SLC17A5: variants seen among roughly 807,000 people sequenced by gnomAD.
SLC17A5 encodes sialin.
In SLC17A5, 47 loss-of-function variants were observed where a neutral mutation model predicts 59.4. The ratio of observed to expected loss-of-function variants is 0.79; its 90% CI spans 0.63 to 1.01. SLC17A5 has a LOEUF of 1.01. Ranked by LOEUF, SLC17A5 falls within the 50% of genes least tolerant of loss-of-function variation. SLC17A5 has a pLI of 0.00. For synonymous variants in SLC17A5, 202 were observed against 210.7 expected, an observed-to-expected ratio of 0.96 and a Z score of 0.36; for missense variants, 522 against 595.5, an observed-to-expected ratio of 0.88 and a Z score of 1.28.
intron 8 of SLC17A5, among the ~76,000 whole-genome samples, chr6:73,614,426 AAAAG>A (rs1380496561): frequency 6.6e-6 from 1 of 152,352 alleles, no homozygotes; most frequent in East Asian, 1.9e-4. Context: ...ATTGTTTTAA[AAAAG>A]AAATATATAT....
intron 1 of SLC17A5, among the ~76,000 whole-genome samples, chr6:73,652,824 A>G (rs1769932743): frequency 6.6e-6 from 1 of 152,244 alleles, no homozygotes; most frequent in Non-Finnish European, 1.5e-5. Context: ...TAGAAACTAT[A>G]CAATTCTGGG....
In SLC17A5 at chr6:73,653,804, C is replaced by T. The variant is rs1361346114; in HGVS notation, c.83G>A (p.Arg28Gln). Reference protein sequence around the residue: ...DRTPLLPGAPRAEAAPVCCSA... With the variant: ...DRTPLLPGAPQAEAAPVCCSA... ...ACCCCGCCGCTTACCGGCTTCGGCCCGTGGGGCGCCCGGTAGAAGAGGCGT... is the reference window on the plus strand; with the variant it reads ...ACCCCGCCGCTTACCGGCTTCGGCCTGTGGGGCGCCCGGTAGAAGAGGCGT... Residue 28 changes from arginine (R) to glutamine (Q), a missense_variant, in exon 1 of 11, where the codon CGG becomes CAG. Coordinates refer to ENST00000355773, the MANE Select transcript of SLC17A5 (RefSeq NM_012434.5). The T allele has an allele frequency of 1.3e-6, 2 of 1,593,586 alleles. No homozygotes were observed. Among genetic ancestry groups the T allele is most frequent in the Non-Finnish European group, 1.7e-6 (2 of 1,171,612 alleles).
intron 1 of SLC17A5, among the ~76,000 whole-genome samples, chr6:73,646,898 ACTTT>A (rs1769602210): frequency 6.6e-6 from 1 of 152,040 alleles, no homozygotes; most frequent in African/African-American, 2.4e-5. Context: ...CTGGTCTTGA[ACTTT>A]TGGCCTCAAG....
At chr6:73,638,727 T>C (rs2150115529) in intron 3 of SLC17A5, among the ~76,000 whole-genome samples, 3 of 152,148 alleles carry the variant, frequency 2.0e-5, no homozygotes, top group Admixed American at 2.0e-4. Flanking sequence ...CCCAGCACTT[T>C]GGGAGGCCAA....
chr6:73,625,630 A>G (rs1243350227), intron 6 of SLC17A5, among the ~76,000 whole-genome samples: 2 of 151,906 alleles, frequency 1.3e-5, no homozygotes. Flanking sequence ...CTCTCTGCCT[A>G]TTGAATAAAC....
intron 6 of SLC17A5, among the ~76,000 whole-genome samples, chr6:73,623,431 G>A (rs1768245686): frequency 1.3e-5 from 2 of 152,006 alleles, no homozygotes; most frequent in South Asian, 2.1e-4. Flanking sequence ...TGCCTCCCGG[G>A]TTCAAGCAAT....
chr6:73,609,348 A>G (rs568744640), intron 9 of SLC17A5, among the ~76,000 whole-genome samples: 1 of 152,288 alleles, frequency 6.6e-6, no homozygotes, highest in African/African-American at 2.4e-5. Context: ...TGGCTCTATC[A>G]TTTATTATAT....
At chr6:73,621,710 G>C in intron 7 of SLC17A5, 94 bp downstream of exon 7, 5 of 1,004,602 alleles carry the variant, frequency 5.0e-6, no homozygotes, top group Non-Finnish European at 7.5e-6. Context: ...TAAAATGGAA[G>C]ATACAGAATA....
chr6:73,632,396 G>T (rs1163385656), intron 6 of SLC17A5, among the ~76,000 whole-genome samples: 10 of 137,990 alleles, frequency 7.2e-5, no homozygotes, highest in Non-Finnish European at 1.4e-4. Context: ...AACAACCTAA[G>T]TTTGGAGAGA....
At chr6:73,630,055 T>G (rs5007651) in intron 6 of SLC17A5, among the ~76,000 whole-genome samples, 1 of 151,492 alleles carries the variant, frequency 6.6e-6, no homozygotes, top group Non-Finnish European at 1.5e-5. Flanking sequence ...TGCAGTGGTA[T>G]GATCTTGGCT....
At chr6:73,612,704 AG>A (rs1767685450) in intron 8 of SLC17A5, among the ~76,000 whole-genome samples, 1 of 152,182 alleles carries the variant, frequency 6.6e-6, no homozygotes, top group Non-Finnish European at 1.5e-5. Flanking sequence ...CCTCTGGAGT[AG>A]CTGGGACTAC....
chr6:73,653,551 A>G, intron 1 of SLC17A5: 1 of 863,936 alleles, frequency 1.2e-6, no homozygotes, highest in Non-Finnish European at 1.4e-6. Flanking sequence ...GCACCTGCCG[A>G]GGCCCCGGCT....
At chr6:73,603,148 T>C (rs1051217586) in intron 9 of SLC17A5, among the ~76,000 whole-genome samples, 2 of 152,162 alleles carry the variant, frequency 1.3e-5, no homozygotes, top group African/African-American at 2.4e-5. Context: ...TTACATTTTT[T>C]TTTTTGAGAC....
rs763757558 is a variant in SLC17A5 at position 73,636,613 on chromosome 6, A to T, written c.700+8T>A. 2.7e-6 allele frequency: 4 copies of T among 1,484,878 alleles called. No individual in the cohort carries two copies. Among genetic ancestry groups the T allele is most frequent in the South Asian group, 1.1e-5 (1 of 88,108 alleles). 92.0% of individuals were successfully genotyped at this position (1,484,878 alleles called of 1,614,324 possible). ...TACATTATAATTTAGTTAAAATTTT[A>T]AACTTACCAAAAAAGTAGAAGACAT... is the stretch of plus-strand genomic sequence containing the variant. On this transcript the variant is annotated splice_region_variant and intron_variant, in intron 5 of 10. Transcript: ENST00000355773.
intron 7 of SLC17A5, 21 bp downstream of exon 7, chr6:73,621,783 C>A: frequency 6.4e-7 from 1 of 1,561,844 alleles, no homozygotes; most frequent in Non-Finnish European, 8.8e-7. Context: ...ATATAAGAAG[C>A]AGATGATTAT....
intron 1 of SLC17A5, among the ~76,000 whole-genome samples, chr6:73,650,862 G>C (rs567346081): frequency 1.3e-5 from 2 of 152,250 alleles, no homozygotes; most frequent in East Asian, 3.9e-4. Flanking sequence ...GTCTAGAGCC[G>C]TGTATGGGAG....
intron 6 of SLC17A5, among the ~76,000 whole-genome samples, chr6:73,622,286 ATTTCTTTC>A (rs202199332): frequency 1.8e-4 from 27 of 146,298 alleles, no homozygotes; most frequent in Admixed American, 9.7e-4. Context: ...TGATTTATCT[ATTTCTTTC>A]TTTCTTTTTT....
intron 6 of SLC17A5, among the ~76,000 whole-genome samples, chr6:73,628,263 G>A: frequency 6.6e-6 from 1 of 152,042 alleles, no homozygotes; most frequent in Non-Finnish European, 1.5e-5. Flanking sequence ...AAATACCACT[G>A]CTGATAAAAG....
At chr6:73,653,686 C>G in intron 1 of SLC17A5, 107 bp downstream of exon 1, 1 of 1,218,784 alleles carries the variant, frequency 8.2e-7, no homozygotes, top group Non-Finnish European at 1.2e-6. Context: ...CTGAGCAGCT[C>G]CGGTCCCGCC....
Sources: gnomAD v4.1 joint callset for allele counts (sites outside exome capture counted in the v4.1 genomes callset) on GRCh38, gnomAD v4.1.1 for gene constraint, MANE v1.5 for transcripts, NCBI Gene and HGNC (gene_info 2026-07-23, HGNC 2026-07-21) for gene names.